Variants in JAK1 observed in about 807,000 individuals in gnomAD.
The protein encoded by JAK1 is Janus kinase 1.
A neutral mutation model predicts 136.6 loss-of-function variants in JAK1; 16 were observed. The observed-to-expected ratio is 0.12, with a 90% CI of 0.08 to 0.18. The LOEUF (loss-of-function observed/expected upper bound fraction) is 0.18. Ranked by LOEUF, JAK1 falls within the 10% of genes least tolerant of loss-of-function variation. The pLI, the probability that JAK1 is intolerant of heterozygous loss-of-function variation, is 1.00. For synonymous variants in JAK1, 492 were observed against 519.5 expected (o/e 0.95, Z 0.72); for missense variants, 859 against 1,450.1 (o/e 0.59, Z 6.62).
At chr1:64,898,816 C>T (rs1039912871) in intron 1 of JAK1, among the ~76,000 whole-genome samples, 2 of 152,152 alleles carry the variant, frequency 1.3e-5, no homozygotes, top group Non-Finnish European at 2.9e-5. Flanking sequence ...ATTTCTGGGC[C>T]TGGCCAAAAC....
chr1:64,906,029 C>T (rs1471558795), intron 1 of JAK1, among the ~76,000 whole-genome samples: 3 of 152,134 alleles, frequency 2.0e-5, no homozygotes, highest in Non-Finnish European at 4.4e-5. Context: ...CTCAGAACTC[C>T]GATCTCAAAT....
intron 1 of JAK1, among the ~76,000 whole-genome samples, chr1:65,059,185 A>G (rs1647683362): frequency 6.6e-6 from 1 of 151,840 alleles, no homozygotes; most frequent in Non-Finnish European, 1.5e-5. Context: ...CAGAGATCAT[A>G]TATTGCTAAG....
chr1:64,906,796 A>G (rs1405262487), intron 1 of JAK1, among the ~76,000 whole-genome samples: 1 of 152,208 alleles, frequency 6.6e-6, no homozygotes, highest in Non-Finnish European at 1.5e-5. Flanking sequence ...CCAGGTCTTG[A>G]ACCCAGATCT....
intron 10 of JAK1, among the ~76,000 whole-genome samples, chr1:64,856,653 T>C (rs1319073884): frequency 6.6e-6 from 1 of 152,164 alleles, no homozygotes; most frequent in African/African-American, 2.4e-5. Context: ...GACTGATGAA[T>C]AGACGGCAAG....
chr1:64,899,197 C>T (rs534490822), intron 1 of JAK1, among the ~76,000 whole-genome samples: 2 of 152,132 alleles, frequency 1.3e-5, no homozygotes, highest in East Asian at 3.9e-4. Flanking sequence ...GTATTTATTA[C>T]CTAGGACTCA....
intron 1 of JAK1, among the ~76,000 whole-genome samples, chr1:65,048,063 GA>G (rs952428665): frequency 1.3e-5 from 2 of 152,110 alleles, no homozygotes; most frequent in Non-Finnish European, 2.9e-5. Flanking sequence ...TATATTCAAA[GA>G]AAAAAACCAA....
intron 1 of JAK1, among the ~76,000 whole-genome samples, chr1:64,905,867 C>A (rs897408166): frequency 6.6e-6 from 1 of 152,140 alleles, no homozygotes; most frequent in African/African-American, 2.4e-5. Flanking sequence ...TTCTCAGAGG[C>A]CAGAGGGAGC....
Position 64,855,634 on chromosome 1 carries a change from C to G in JAK1, c.1523G>C (p.Ser508Thr), listed in dbSNP as rs1015869335. ...GAAGCTGCGGTCCGAACCGTGCAGA[C>G]TGTAGCGGCCCTTCTGCACCTCGAT... is the stretch of plus-strand genomic sequence containing the variant. ...FQIEVQKGRY[S>T]LHGSDRSFPS... is the part of the protein sequence containing the mutation. Residue 508 changes from serine to threonine, a missense_variant, in exon 11 of 25, where the codon AGT becomes ACT. By Grantham distance (58) the Ser-to-Thr change is moderately conservative (BLOSUM62 1). Around this residue, in one of 4 missense-constraint regions of JAK1, gnomAD observed 409 missense variants for 753.8 expected, o/e 0.54. Transcript: ENST00000342505. The G allele has an allele frequency of 6.2e-7, 1 of 1,614,048 alleles. No homozygotes were observed. The highest frequency in any genetic ancestry group is 8.5e-7 in the Non-Finnish European group (1 of 1,180,024).
At position 64,833,520 on chromosome 1, in the gene JAK1, A is replaced by G; in HGVS notation, c.*1042T>C. 4.3e-6 allele frequency: 1 copy of G among 233,078 alleles called. No individual in the cohort carries two copies. Among genetic ancestry groups the G allele is most frequent in the East Asian group, 6.0e-5 (1 of 16,568 alleles). 14.4% of individuals were successfully genotyped at this position (233,078 alleles called of 1,614,324 possible). The stretch of plus-strand genomic sequence containing the variant: ...TTTGATTACCCAGCTACCTCCAAGC[A>G]AACTGAAAACTGTCTAGTGGATCCT... On this transcript the variant is annotated 3_prime_UTR_variant, in exon 25 of 25. Coordinates refer to ENST00000342505, the MANE Select transcript of JAK1 (RefSeq NM_002227.4).
At chr1:64,835,630 C>G in intron 23 of JAK1, 124 bp from the exon 24 acceptor site, 1 of 653,666 alleles carries the variant, frequency 1.5e-6, no homozygotes, top group Non-Finnish European at 2.7e-6. Flanking sequence ...GGCTTTTCTC[C>G]TTAGTAACTT....
intron 1 of JAK1, among the ~76,000 whole-genome samples, chr1:64,908,397 T>C (rs1645227014): frequency 6.6e-6 from 1 of 152,220 alleles, no homozygotes; most frequent in Non-Finnish European, 1.5e-5. Flanking sequence ...GCCATTCCTT[T>C]TTACATATTC....
intron 1 of JAK1, among the ~76,000 whole-genome samples, chr1:64,961,944 G>A (rs144503238): frequency 2.0e-5 from 3 of 152,264 alleles, no homozygotes; most frequent in African/African-American, 7.2e-5. Context: ...CCAAAGAGAT[G>A]TCTGTGCATA....
At position 64,935,220 on chromosome 1, in the gene JAK1, G is replaced by C. The variant is rs149072271; in HGVS notation, c.-78+31113C>G. Among the ~76,000 whole-genome samples the C allele has an allele frequency of 9.8e-5, 15 of 152,314 alleles. No homozygotes were observed. The East Asian group carries it at 1.3e-3, about 14-fold the overall frequency. On this transcript the variant is annotated intron_variant, in intron 1 of 24. Transcript: ENST00000342505. ...GGTCAAAATCATTCATTCATACTGAGAGGGTATTAAAAGAAATATTTCTGA... is the reference window on the plus strand; with the variant it reads ...GGTCAAAATCATTCATTCATACTGACAGGGTATTAAAAGAAATATTTCTGA...
At chr1:65,035,691 CCTT>C (rs1647066253) in intron 2 of JAK1, among the ~76,000 whole-genome samples, 1 of 152,178 alleles carries the variant, frequency 6.6e-6, no homozygotes, top group Non-Finnish European at 1.5e-5. Flanking sequence ...CACCCTGTTC[CCTT>C]CTTTGGGGAG....
intron 1 of JAK1, among the ~76,000 whole-genome samples, chr1:65,062,886 TATC>T (rs1444712157): frequency 6.6e-6 from 1 of 152,230 alleles, no homozygotes; most frequent in East Asian, 1.9e-4. Context: ...TCTAAACAGT[TATC>T]AACAAGAGTA....
intron 1 of JAK1, among the ~76,000 whole-genome samples, chr1:64,952,738 C>T (rs1369828904): frequency 6.6e-6 from 1 of 152,126 alleles, no homozygotes; most frequent in East Asian, 1.9e-4. Flanking sequence ...TTCCAGATAA[C>T]TTATGGGGCT....
intron 2 of JAK1, among the ~76,000 whole-genome samples, chr1:65,006,353 T>A (rs1314405058): frequency 6.6e-6 from 1 of 152,124 alleles, no homozygotes; most frequent in Non-Finnish European, 1.5e-5. Flanking sequence ...CGGCTTCTAT[T>A]GTTTCTTCTT....
intron 2 of JAK1, among the ~76,000 whole-genome samples, chr1:65,015,083 C>A (rs1646882250): frequency 6.6e-6 from 1 of 152,102 alleles, no homozygotes; most frequent in Non-Finnish European, 1.5e-5. Flanking sequence ...AGAGACTTTG[C>A]TATTATCCAG....
At chr1:65,023,189 A>G (rs1485925913) in intron 2 of JAK1, 1 of 152,088 alleles carries the variant, frequency 6.6e-6, no homozygotes, top group South Asian at 2.1e-4. Flanking sequence ...TGCAACCTCA[A>G]TCCCCTAGGC....
Sources: gnomAD v4.1 joint callset for allele counts (sites outside exome capture counted in the v4.1 genomes callset) on GRCh38, gnomAD v4.1.1 for gene constraint, gnomAD v4.1.1 regional missense constraint, MANE v1.5 for transcripts, NCBI Gene and HGNC (gene_info 2026-07-23, HGNC 2026-07-21) for gene names.